CNTN5: variants seen among roughly 807,000 people sequenced by gnomAD.
The protein encoded by CNTN5 is contactin-5.
A neutral mutation model predicts 129.1 loss-of-function variants in CNTN5; 77 were observed. The observed-to-expected ratio is 0.60, with a 90% CI of 0.50 to 0.72. The LOEUF (loss-of-function observed/expected upper bound fraction) is 0.72, where lower values mean the gene tolerates loss of function less well. Ranked by LOEUF, CNTN5 falls within the 30% of genes least tolerant of loss-of-function variation. The pLI is 0.00. For synonymous variants in CNTN5, 509 were observed against 465.6 expected (o/e 1.09, Z -1.20); for missense variants, 1,478 against 1,328.8 (o/e 1.11, Z -1.75).
chr11:99,197,410 T>C (rs1381332), intron 1 of CNTN5, among the ~76,000 whole-genome samples: 144,012 of 152,088 alleles, frequency 0.95, 68,248 homozygotes, highest in East Asian at 1. Flanking sequence ...ATTGATTCCT[T>C]TAAGCTTGTA....
At chr11:99,342,357 C>A (rs754997660) in intron 2 of CNTN5, among the ~76,000 whole-genome samples, 5 of 151,608 alleles carry the variant, frequency 3.3e-5, no homozygotes, top group South Asian at 2.1e-4. Context: ...AAGGCTTTTA[C>A]CTATAACATA....
intron 8 of CNTN5, among the ~76,000 whole-genome samples, chr11:99,968,773 G>C (rs1013339895): frequency 1.5e-5 from 2 of 136,784 alleles, no homozygotes; most frequent in Admixed American, 8.4e-5. Flanking sequence ...TCTTGGTTCA[G>C]AATTTTCAAT....
intron 2 of CNTN5, among the ~76,000 whole-genome samples, chr11:99,523,940 T>C (rs749591582): frequency 3.9e-5 from 6 of 152,178 alleles, no homozygotes; most frequent in Non-Finnish European, 7.3e-5. Context: ...TGATATTCTC[T>C]GAATAGCCCA....
At chr11:99,286,374 G>A (rs1346088046) in intron 1 of CNTN5, among the ~76,000 whole-genome samples, 1 of 152,128 alleles carries the variant, frequency 6.6e-6, no homozygotes, top group African/African-American at 2.4e-5. Flanking sequence ...TAGAAATGCT[G>A]GGAGTGAGGT....
At chr11:99,924,386 T>G (rs554333401) in intron 7 of CNTN5, among the ~76,000 whole-genome samples, 2 of 152,208 alleles carry the variant, frequency 1.3e-5, no homozygotes, top group Non-Finnish European at 2.9e-5. Context: ...GTCTTATATT[T>G]AAGTATGTAA....
chr11:99,713,463 C>G (rs1955087207), intron 3 of CNTN5, among the ~76,000 whole-genome samples: 1 of 152,028 alleles, frequency 6.6e-6, no homozygotes, highest in South Asian at 2.1e-4. Context: ...TTGACTTCCT[C>G]TTTTCCTAAT....
intron 2 of CNTN5, among the ~76,000 whole-genome samples, chr11:99,507,655 T>C (rs1380294604): frequency 6.6e-6 from 1 of 152,230 alleles, no homozygotes; most frequent in Non-Finnish European, 1.5e-5. Context: ...TATGGAATAT[T>C]TACATTTTTC....
chr11:99,910,013 AT>A (rs1388288874), intron 6 of CNTN5, among the ~76,000 whole-genome samples: 2 of 152,136 alleles, frequency 1.3e-5, no homozygotes, highest in Non-Finnish European at 2.9e-5. Context: ...ATAGGAAAGT[AT>A]TTAATCAAAT....
At position 100,094,130 on chromosome 11, in the gene CNTN5, G is replaced by A. The variant is rs555528226; in HGVS notation, c.1580+19836G>A. 3.7e-3 allele frequency among the ~76,000 whole-genome samples: 570 copies of A among 152,170 alleles called. 2 individuals are homozygous for A. The highest frequency in any genetic ancestry group is 3.9e-3 in the Non-Finnish European group (262 of 67,984). Reference sequence around the variant, plus strand: ...GGTTAAAAAAATTAAAAATTAAAAAGCACAATGGGAGCCAGGTCTTCAGGA... The same window carrying A: ...GGTTAAAAAAATTAAAAATTAAAAAACACAATGGGAGCCAGGTCTTCAGGA... On this transcript the variant is annotated intron_variant, in intron 13 of 24. Transcript: ENST00000524871.
intron 3 of CNTN5, among the ~76,000 whole-genome samples, chr11:99,753,898 G>A (rs1398720763): frequency 6.6e-6 from 1 of 150,604 alleles, no homozygotes; most frequent in Admixed American, 6.6e-5. Context: ...ATGTTGGCTA[G>A]GCTGGTCTTG....
intron 3 of CNTN5, among the ~76,000 whole-genome samples, chr11:99,709,575 GAT>G (rs1954888185): frequency 6.6e-6 from 1 of 151,760 alleles, no homozygotes. Context: ...CAGAACAACA[GAT>G]ATATTTCTGG....
At chr11:99,781,967 T>C (rs1014128354) in intron 3 of CNTN5, among the ~76,000 whole-genome samples, 1 of 151,774 alleles carries the variant, frequency 6.6e-6, no homozygotes, top group Non-Finnish European at 1.5e-5. Context: ...GTGTTGGAAG[T>C]TCTGGCCAGG....
chr11:100,125,660 T>C (rs1946161012), intron 13 of CNTN5, among the ~76,000 whole-genome samples: 1 of 152,072 alleles, frequency 6.6e-6, no homozygotes, highest in South Asian at 2.1e-4. Context: ...AAACAGTTTA[T>C]TTTCTTTTGG....
chr11:99,105,283 G>T (rs562743976), intron 1 of CNTN5, among the ~76,000 whole-genome samples: 1 of 151,600 alleles, frequency 6.6e-6, no homozygotes, highest in East Asian at 1.9e-4. Flanking sequence ...GTAACCAAAA[G>T]CATAAAAAAA....
intron 6 of CNTN5, among the ~76,000 whole-genome samples, chr11:99,867,388 G>A (rs1948385305): frequency 6.6e-6 from 1 of 152,176 alleles, no homozygotes. Context: ...TATCACAAAC[G>A]TAGAGGCTTA....
At chr11:99,611,203 C>T (rs1950582905) in intron 3 of CNTN5, among the ~76,000 whole-genome samples, 1 of 152,134 alleles carries the variant, frequency 6.6e-6, no homozygotes, top group Non-Finnish European at 1.5e-5. Context: ...ACATATTGTC[C>T]ACATTCTTAT....
Position 99,956,886 on chromosome 11 carries a change from G to C in CNTN5, c.754G>C (p.Gly252Arg). 1 of 1,613,866 alleles carries C rather than the reference G, an allele frequency of 6.2e-7. No individual in the cohort carries two copies. The highest frequency in any genetic ancestry group is 1.1e-5 in the South Asian group (1 of 91,074). ...DSRRFISQET[G>R]NLYISKVQTS... is the part of the protein sequence containing the mutation. ...CCGGCGGTTCATCTCCCAGGAGACA[G>C]GCAACCTTTATATTTCTAAAGTCCA... The change falls in exon 8 of 25, where the codon GGC becomes CGC. Residue 252 changes from glycine (G) to arginine (R), a missense_variant. By Grantham distance (125) the Gly-to-Arg change is moderately radical (BLOSUM62 -2). Transcript: ENST00000524871.
Position 99,258,639 on chromosome 11 carries a change from G to C in CNTN5, c.-209-66707G>C, listed in dbSNP as rs533785074. On this transcript the variant is annotated intron_variant, in intron 1 of 24. Coordinates refer to ENST00000524871, the MANE Select transcript of CNTN5 (RefSeq NM_014361.4). ...TCAGCTTCAGAGATTTTAACCACAT[G>C]TAATAAACTCATTCATTATAATGGT... 1.5e-4 allele frequency among the ~76,000 whole-genome samples: 23 copies of C among 151,982 alleles called. 1 individual carries two copies. In the South Asian group the frequency reaches 4.8e-3, roughly 32 times the overall value.
intron 9 of CNTN5, among the ~76,000 whole-genome samples, chr11:100,040,392 TC>T (rs1181673787): frequency 6.6e-6 from 1 of 152,180 alleles, no homozygotes; most frequent in Non-Finnish European, 1.5e-5. Flanking sequence ...TGGGGGTGCC[TC>T]CCAGTTAGGC....
Sources: gnomAD v4.1 joint callset for allele counts (sites outside exome capture counted in the v4.1 genomes callset) on GRCh38, gnomAD v4.1.1 for gene constraint, MANE v1.5 for transcripts, NCBI Gene and HGNC (gene_info 2026-07-23, HGNC 2026-07-21) for gene names.